KLHL3: variants seen among roughly 807,000 people sequenced by gnomAD.
KLHL3 encodes kelch like family member 3.
In KLHL3, 19 loss-of-function variants were observed where a neutral mutation model predicts 70.5. The ratio of observed to expected loss-of-function variants is 0.27; its 90% CI spans 0.19 to 0.40. The LOEUF (loss-of-function observed/expected upper bound fraction) is 0.40. Ranked by LOEUF, KLHL3 falls within the 10% of genes least tolerant of loss-of-function variation. The pLI is 1.00. For missense variants in KLHL3, 512 were observed against 771.1 expected (o/e 0.66, Z 3.98); for synonymous variants, 258 against 290.3 (o/e 0.89, Z 1.13).
chr5:137,634,850 G>T (rs1049896552), intron 11 of KLHL3, among the ~76,000 whole-genome samples: 3 of 152,140 alleles, frequency 2.0e-5, no homozygotes, highest in Non-Finnish European at 4.4e-5. Context: ...TTCTGCCTGG[G>T]GCTGGGGGCT....
chr5:137,732,618 T>C (rs1267726642), intron 1 of KLHL3, among the ~76,000 whole-genome samples: 1 of 152,114 alleles, frequency 6.6e-6, no homozygotes, highest in African/African-American at 2.4e-5. Flanking sequence ...GAAATGGTTC[T>C]ACATAATCTG....
At chr5:137,657,826 C>A (rs1751379192) in intron 8 of KLHL3, among the ~76,000 whole-genome samples, 1 of 152,196 alleles carries the variant, frequency 6.6e-6, no homozygotes, top group South Asian at 2.1e-4. Flanking sequence ...CTGCTTCCAA[C>A]AGAAATAGAG....
intron 10 of KLHL3, among the ~76,000 whole-genome samples, 183 bp downstream of exon 10, chr5:137,638,770 A>T (rs1169683913): frequency 2.0e-5 from 3 of 152,218 alleles, no homozygotes; most frequent in African/African-American, 7.2e-5. Flanking sequence ...GTAGTTACAT[A>T]TTCTGTCTGG....
intron 6 of KLHL3, among the ~76,000 whole-genome samples, chr5:137,669,113 G>A (rs1000105822): frequency 6.6e-6 from 1 of 152,058 alleles, no homozygotes; most frequent in African/African-American, 2.4e-5. Context: ...AGAGAGAGAC[G>A]AAGTCATTTG....
chr5:137,664,749 T>G (rs1388447722), intron 6 of KLHL3, among the ~76,000 whole-genome samples: 5 of 151,530 alleles, frequency 3.3e-5, no homozygotes, highest in African/African-American at 1.2e-4. Flanking sequence ...TCCCAGGAGG[T>G]GGAAGCTGCA....
chr5:137,731,027 G>GAAA (rs35709180), intron 1 of KLHL3, among the ~76,000 whole-genome samples: 1 of 145,242 alleles, frequency 6.9e-6, no homozygotes. Flanking sequence ...TCCAGAAATT[G>GAAA]AAAAAAAAAA....
At chr5:137,698,251 T>G in intron 4 of KLHL3, 36 bp downstream of exon 4, 1 of 1,612,414 alleles carries the variant, frequency 6.2e-7, no homozygotes. Flanking sequence ...GTCCTGAGTG[T>G]GCAATACACT....
chr5:137,638,792 GCT>G (rs767477831), intron 10 of KLHL3, among the ~76,000 whole-genome samples, 159 bp downstream of exon 10: 6 of 152,206 alleles, frequency 3.9e-5, no homozygotes, highest in Non-Finnish European at 8.8e-5. Flanking sequence ...AGAAGGCCTG[GCT>G]CTTCACCCAA....
chr5:137,720,626 T>C (rs181516013), intron 1 of KLHL3, 42 bp from the exon 2 acceptor site: 1,619 of 1,610,640 alleles, frequency 1.0e-3, no homozygotes, highest in Non-Finnish European at 1.2e-3. Flanking sequence ...GAATCACTCA[T>C]TGGTAAACCC....
chr5:137,698,486 T>C (rs1752497595), intron 3 of KLHL3, 78 bp from the exon 4 acceptor site: 1 of 1,550,184 alleles, frequency 6.5e-7, no homozygotes, highest in Non-Finnish European at 8.8e-7. Context: ...TCTCCTGCCC[T>C]GTCTTGGAAA....
intron 1 of KLHL3, among the ~76,000 whole-genome samples, chr5:137,735,300 T>C (rs1261689757): frequency 6.6e-6 from 1 of 152,126 alleles, no homozygotes; most frequent in Non-Finnish European, 1.5e-5. Context: ...GGGAAACGCC[T>C]CCTTGAAACA....
intron 2 of KLHL3, among the ~76,000 whole-genome samples, chr5:137,718,056 C>T (rs1307945951): frequency 1.3e-5 from 2 of 152,164 alleles, no homozygotes; most frequent in East Asian, 1.9e-4. Context: ...CTTCTCACAG[C>T]GTTTAATATG....
At chr5:137,640,112 G>A (rs770771495) in intron 8 of KLHL3, 135 bp from the exon 9 acceptor site, 25 of 705,570 alleles carry the variant, frequency 3.5e-5, no homozygotes, top group Non-Finnish European at 5.7e-5. Context: ...TACATACATG[G>A]GGATGCTGCT....
chr5:137,708,448 G>A (rs1752726135), intron 3 of KLHL3, among the ~76,000 whole-genome samples: 1 of 152,190 alleles, frequency 6.6e-6, no homozygotes. Context: ...GGTGGGCATG[G>A]AGGATTCCAC....
rs1293971209 is a variant in KLHL3, at chr5:137,698,324, T to C, written c.326A>G (p.Tyr109Cys). 2.5e-6 allele frequency: 4 copies of C among 1,614,130 alleles called. No individual in the cohort carries two copies. Among genetic ancestry groups the C allele is most frequent in the Non-Finnish European group, 3.4e-6 (4 of 1,180,036 alleles). ...QTLSKLIDYI[Y>C]TAEIEVTEEN... ...TTCAGTCACCTCGATTTCAGCAGTA[T>C]AGATGTAGTCAATCAGCTTACTCAG... The change falls in exon 4 of 15, where the codon TAT becomes TGT. Residue 109 changes from tyrosine to cysteine, a missense_variant. Physicochemically the swap from Tyr to Cys is radical, Grantham distance 194 (BLOSUM62 -2). Transcript: ENST00000309755.
At chr5:137,725,492 G>A (rs949579590) in intron 1 of KLHL3, among the ~76,000 whole-genome samples, 9 of 152,132 alleles carry the variant, frequency 5.9e-5, no homozygotes, top group Non-Finnish European at 1.2e-4. Context: ...ACTACACAAA[G>A]GAACCTTCAT....
chr5:137,670,297 G>C (rs1005958979), intron 6 of KLHL3, among the ~76,000 whole-genome samples: 9 of 151,868 alleles, frequency 5.9e-5, no homozygotes, highest in Non-Finnish European at 2.9e-5. Context: ...AGATTCCCAG[G>C]ATATGACATC....
At chr5:137,686,010 A>G (rs987013134) in intron 5 of KLHL3, among the ~76,000 whole-genome samples, 6 of 152,216 alleles carry the variant, frequency 3.9e-5, no homozygotes, top group Non-Finnish European at 8.8e-5. Context: ...CAACAACAAC[A>G]ATAACAACAG....
chr5:137,707,852 G>A (rs890614652), intron 3 of KLHL3, among the ~76,000 whole-genome samples: 4 of 152,162 alleles, frequency 2.6e-5, no homozygotes, highest in South Asian at 2.1e-4. Context: ...AGGCAAGTTC[G>A]TTAACAAAAA....
Sources: allele counts gnomAD v4.1 joint callset (sites outside exome capture counted in the v4.1 genomes callset), GRCh38; gene constraint gnomAD v4.1.1; transcripts MANE v1.5; gene names NCBI Gene and HGNC (gene_info 2026-07-23, HGNC 2026-07-21).